Variants in ARHGAP20 observed in about 807,000 individuals in gnomAD.
The protein encoded by ARHGAP20 is Rho GTPase activating protein 20.
Under a neutral mutation model 73.7 loss-of-function variants are expected in ARHGAP20, and 34 were observed. That is an observed-to-expected ratio of 0.46 (90% CI 0.35 to 0.61). ARHGAP20 has a LOEUF of 0.61. ARHGAP20 is among the 20% of genes least tolerant of loss of function. ARHGAP20 has a pLI of 0.00. For synonymous variants in ARHGAP20, 523 were observed against 518.2 expected, an observed-to-expected ratio of 1.01 and a Z score of -0.13; for missense variants, 1,314 against 1,420.9, an observed-to-expected ratio of 0.92 and a Z score of 1.21.
chr11:110,668,494 A>G (rs1184008065), intron 2 of ARHGAP20, among the ~76,000 whole-genome samples: 2 of 151,940 alleles, frequency 1.3e-5, no homozygotes, highest in Non-Finnish European at 2.9e-5. Context: ...AAAAAATAAG[A>G]AAAAATTAGC....
chr11:110,601,707 G>A (rs1001842435), intron 9 of ARHGAP20, among the ~76,000 whole-genome samples: 5 of 152,150 alleles, frequency 3.3e-5, no homozygotes, highest in Non-Finnish European at 5.9e-5. Context: ...CTTTAGGCCA[G>A]GCATGGTGGT....
At chr11:110,674,533 A>C (rs1261438367) in intron 2 of ARHGAP20, among the ~76,000 whole-genome samples, 1 of 152,206 alleles carries the variant, frequency 6.6e-6, no homozygotes, top group Admixed American at 6.5e-5. Context: ...GTGCAAAATT[A>C]TTTAAAATAT....
chr11:110,699,078 C>T lies in ARHGAP20; in HGVS notation c.106-8449G>A, dbSNP rs1026417349. 1.1e-4 allele frequency among the ~76,000 whole-genome samples: 17 copies of T among 151,916 alleles called. No individual in the cohort carries two copies. In the East Asian group the frequency reaches 1.4e-3, roughly 12 times the overall value. ...GTTATAAACTTTCCTCTTAGTTCTACTTTTGCTGTATCCCTGAGGTTTTGA... is the reference window on the plus strand; with the variant it reads ...GTTATAAACTTTCCTCTTAGTTCTATTTTTGCTGTATCCCTGAGGTTTTGA... On this transcript the variant is annotated intron_variant, in intron 1 of 14. Transcript: ENST00000683387.
rs1432338123 is a variant in ARHGAP20 at position 110,578,447 on chromosome 11, T to A, written c.*923A>T. 2 of 985,346 alleles carry A rather than the reference T, an allele frequency of 2.0e-6. No individual in the cohort carries two copies. The highest frequency in any genetic ancestry group is 3.5e-5 in the African/African-American group (2 of 57,242). The allele number at this position is 985,346 out of a possible 1,614,324, so 61.0% of individuals were successfully genotyped here. On this transcript the variant is annotated 3_prime_UTR_variant, in exon 15 of 15. Transcript: ENST00000683387. The stretch of plus-strand genomic sequence containing the variant: ...GTGCAGAAACATTTCAGCAAAGTGA[T>A]GCCATGGTTTGATCACATTTTAACA...
rs1591287407 is a variant in ARHGAP20 at position 110,579,079 on chromosome 11, GC to G, written c.*290del. The G allele has an allele frequency of 2.9e-6, 3 of 1,039,956 alleles. No homozygotes were observed. In the East Asian group the frequency reaches 2.2e-4, roughly 77 times the overall value. 64.4% of individuals were successfully genotyped at this position (1,039,956 alleles called of 1,614,324 possible). A position where few individuals can be genotyped will look rare whatever the true frequency, so the allele number is the denominator to read the frequency against. Reference sequence around the variant, plus strand: ...GACTGTTCCCATAAGTGCTTCCTCTGCAGAAGATGCTTTCTCTAGCCCTCTG... The same window carrying G: ...GACTGTTCCCATAAGTGCTTCCTCTGAGAAGATGCTTTCTCTAGCCCTCTG... On this transcript the variant is annotated 3_prime_UTR_variant, in exon 15 of 15. Transcript: ENST00000683387.
rs542837531 is a variant in ARHGAP20 at position 110,674,959 on chromosome 11, G to A, written c.188+15588C>T. On this transcript the variant is annotated intron_variant, in intron 2 of 14. Coordinates refer to ENST00000683387, the MANE Select transcript of ARHGAP20 (RefSeq NM_001384657.1). ...TTATACTTTAAGTTCTGGGGTACAT[G>A]TACAGAACGTGCAGTTTTGTTACAC... Among the ~76,000 whole-genome samples the A allele has an allele frequency of 3.9e-5, 6 of 152,268 alleles. No individual in the cohort carries two copies. The East Asian group carries it at 5.8e-4, about 15-fold the overall frequency.
In ARHGAP20 at chr11:110,672,370, A is replaced by C. The variant is rs561548540; in HGVS notation, c.188+18177T>G. ...GATCACTTCACAAAGAAAAACATAC[A>C]AATGGGCAGTAATTTTATAAAATGA... is the stretch of plus-strand genomic sequence containing the variant. On this transcript the variant is annotated intron_variant, in intron 2 of 14. Coordinates refer to ENST00000683387, the MANE Select transcript of ARHGAP20 (RefSeq NM_001384657.1). Among the ~76,000 whole-genome samples, 4 of 152,332 alleles carry C rather than the reference A, an allele frequency of 2.6e-5. No individual in the cohort carries two copies. In the South Asian group the frequency reaches 8.3e-4, roughly 32 times the overall value.
At chr11:110,618,589 G>C (rs535625764) in intron 4 of ARHGAP20, among the ~76,000 whole-genome samples, 185 of 150,306 alleles carry the variant, frequency 1.2e-3, no homozygotes, top group African/African-American at 4.3e-3. Flanking sequence ...TGTAGTGATA[G>C]AGTATATGCA....
In ARHGAP20 at chr11:110,578,079, T is replaced by C; in HGVS notation, c.*1291A>G. 1 of 985,448 alleles carries C rather than the reference T, an allele frequency of 1.0e-6. No homozygotes were observed. The highest frequency in any genetic ancestry group is 1.2e-6 in the Non-Finnish European group (1 of 829,936). The allele number at this position is 985,448 out of a possible 1,614,324, so 61.0% of individuals were successfully genotyped here. A position where few individuals can be genotyped will look rare whatever the true frequency, so the allele number is the denominator to read the frequency against. On this transcript the variant is annotated 3_prime_UTR_variant, in exon 15 of 15. Transcript: ENST00000683387. ...TTTTAGTGCCATCCCTGCATACTAG[T>C]TGGCAAGGCCTGATAATCTATTCCT...
intron 1 of ARHGAP20, among the ~76,000 whole-genome samples, chr11:110,706,389 G>A (rs986355069): frequency 6.6e-5 from 10 of 152,092 alleles, no homozygotes; most frequent in Non-Finnish European, 1.3e-4. Flanking sequence ...ATATAGTTCA[G>A]CATTCACTTA....
At chr11:110,606,947 AG>A (rs1948247407) in intron 8 of ARHGAP20, among the ~76,000 whole-genome samples, 198 bp from the exon 9 acceptor site, 1 of 152,012 alleles carries the variant, frequency 6.6e-6, no homozygotes, top group African/African-American at 2.4e-5. Context: ...TTTTAAGGAG[AG>A]GAGGGAGAAA....
At chr11:110,604,454 C>A (rs1948177283) in intron 9 of ARHGAP20, among the ~76,000 whole-genome samples, 1 of 152,048 alleles carries the variant, frequency 6.6e-6, no homozygotes, top group South Asian at 2.1e-4. Context: ...TGGTTAAAAC[C>A]CTTAGGATTC....
At chr11:110,653,021 C>T (rs1337507293) in intron 2 of ARHGAP20, among the ~76,000 whole-genome samples, 2 of 152,046 alleles carry the variant, frequency 1.3e-5, no homozygotes, top group Admixed American at 1.3e-4. Context: ...GCCATATACG[C>T]AGAGAATTGA....
chr11:110,687,216 A>T (rs1950155290), intron 2 of ARHGAP20, among the ~76,000 whole-genome samples: 1 of 151,324 alleles, frequency 6.6e-6, no homozygotes. Context: ...TAGCTGGGAC[A>T]CACATCATCA....
chr11:110,641,004 T>C (rs1011764471), intron 2 of ARHGAP20, among the ~76,000 whole-genome samples: 1 of 152,060 alleles, frequency 6.6e-6, no homozygotes, highest in African/African-American at 2.4e-5. Context: ...TCAAAATGAA[T>C]GAAGACAGGA....
In ARHGAP20 at chr11:110,707,826, C is replaced by T. The variant is rs182332077; in HGVS notation, c.105+4301G>A. Reference sequence around the variant, plus strand: ...TGTCTAATTCGGGGTTATGTTTGTTCCTTTAATAACAGTTATCACCATTTA... The same window carrying T: ...TGTCTAATTCGGGGTTATGTTTGTTTCTTTAATAACAGTTATCACCATTTA... On this transcript the variant is annotated intron_variant, in intron 1 of 14. Transcript: ENST00000683387. 2.3e-3 allele frequency among the ~76,000 whole-genome samples: 354 copies of T among 151,800 alleles called. 4 individuals are homozygous for T. Among genetic ancestry groups the T allele is most frequent in the East Asian group, 9.5e-3 (49 of 5,168 alleles).
intron 3 of ARHGAP20, 144 bp downstream of exon 3, chr11:110,630,484 C>T (rs1449251427): frequency 2.4e-6 from 2 of 820,682 alleles, no homozygotes; most frequent in Non-Finnish European, 3.8e-6. Flanking sequence ...TTTTTTTTTG[C>T]AATGAAGGGC....
chr11:110,624,039 AG>A (rs1948683763), intron 4 of ARHGAP20, 122 bp downstream of exon 4: 30 of 1,298,078 alleles, frequency 2.3e-5, no homozygotes, highest in Non-Finnish European at 3.1e-5. Flanking sequence ...ATATGGAATC[AG>A]AATAAAATAT....
intron 2 of ARHGAP20, among the ~76,000 whole-genome samples, chr11:110,653,671 T>A (rs2135021211): frequency 6.6e-6 from 1 of 152,286 alleles, no homozygotes; most frequent in East Asian, 1.9e-4. Flanking sequence ...TGGCAATTCC[T>A]CAAACACCTA....
Sources: gnomAD v4.1 joint callset for allele counts (sites outside exome capture counted in the v4.1 genomes callset) on GRCh38, gnomAD v4.1.1 for gene constraint, MANE v1.5 for transcripts, NCBI Gene and HGNC (gene_info 2026-07-23, HGNC 2026-07-21) for gene names.